The following THTPA variants were observed in gnomAD, a reference collection of about 807,000 sequenced individuals.
THTPA encodes thiamine triphosphatase, also known as thiamine-triphosphatase.
Under a neutral mutation model 16.5 loss-of-function variants are expected in THTPA, and 16 were observed. The ratio of observed to expected loss-of-function variants is 0.97; its 90% CI spans 0.66 to 1.47. THTPA has a LOEUF of 1.47. Ranked by LOEUF, THTPA falls within the 40% of genes most tolerant of loss-of-function variation. The pLI is 0.00. For synonymous variants in THTPA, 110 were observed against 115.5 expected (o/e 0.95, Z 0.30); for missense variants, 281 against 280.9 (o/e 1.00, Z 0.00).
chr14:23,550,968 C>A, the THTPA span, among the ~76,000 whole-genome samples: 7 of 152,128 alleles, frequency 4.6e-5, no homozygotes, highest in South Asian at 1.5e-3. Context: ...GCCTCCCCTT[C>A]CCCCCGGGAT....
chr14:23,533,034 C>G, the THTPA span: 4 of 1,535,506 alleles, frequency 2.6e-6, no homozygotes, highest in Admixed American at 5.9e-5. The surrounding 1 kb of genome is among the most constrained non-coding windows in gnomAD (Gnocchi z 4.8). Context: ...GATGAGGAAC[C>G]CAGGAGCTGA....
the THTPA span, among the ~76,000 whole-genome samples, chr14:23,518,220 A>G: frequency 6.6e-6 from 1 of 152,212 alleles, no homozygotes; most frequent in Non-Finnish European, 1.5e-5. The surrounding 1 kb of genome is among the most constrained non-coding windows in gnomAD (Gnocchi z 4.5). Context: ...TCAGATTTAC[A>G]TATCTTTCCA....
upstream of THTPA, among the ~76,000 whole-genome samples, chr14:23,554,038 C>CAAAAAA: frequency 2.8e-5 from 1 of 36,038 alleles, no homozygotes; most frequent in Non-Finnish European, 6.0e-5. Flanking sequence ...GACTCTGTCT[C>CAAAAAA]AAAAAAAAAA....
At chr14:23,523,720 G>T in the THTPA span, 43 of 1,536,356 alleles carry the variant, frequency 2.8e-5, no homozygotes, top group African/African-American at 5.7e-4. The surrounding 1 kb of genome is among the most constrained non-coding windows in gnomAD (Gnocchi z 4.1). Context: ...TCAGCTGCAG[G>T]CTGCTCATCT....
In THTPA at chr14:23,559,909, C is replaced by T; in HGVS notation, c.*1069C>T. On this transcript the variant is annotated 3_prime_UTR_variant, in exon 2 of 2. Coordinates refer to ENST00000288014, the MANE Select transcript of THTPA (RefSeq NM_024328.6). ...CCCACGGCTTCTTCTATCCCTGGGT[C>T]TTGTCTTGGGGGAACTCCTGAAGCT... 2 of 1,611,096 alleles carry T rather than the reference C, an allele frequency of 1.2e-6. No individual in the cohort carries two copies.
the THTPA span, chr14:23,535,046 T>G: frequency 6.5e-7 from 1 of 1,536,208 alleles, no homozygotes; most frequent in Non-Finnish European, 8.7e-7. The surrounding 1 kb of genome is among the most constrained non-coding windows in gnomAD (Gnocchi z 4.5). Flanking sequence ...TCCTTGTCCT[T>G]TTCCACCCCT....
chr14:23,529,604 G>A, the THTPA span: 2 of 1,154,352 alleles, frequency 1.7e-6, no homozygotes, highest in East Asian at 5.1e-5. Flanking sequence ...TATTCTGAGT[G>A]AAATAAGTCA....
At chr14:23,520,731 C>T in the THTPA span, 3 of 138,272 alleles carry the variant, frequency 2.2e-5, no homozygotes, top group East Asian at 2.2e-4. This position sits in a 1 kb window ranked among gnomAD's most constrained non-coding sequence, Gnocchi z 8.7. Context: ...CCACCAGACC[C>T]ATAGCAAGGA....
chr14:23,515,510 C>T, the THTPA span, among the ~76,000 whole-genome samples: 8,812 of 152,226 alleles, frequency 0.058, 290 homozygotes, highest in Middle Eastern at 0.071. Context: ...GCAATGATCC[C>T]TGGTAGAGGG....
At chr14:23,527,039 C>T in the THTPA span, 2 of 1,444,892 alleles carry the variant, frequency 1.4e-6, no homozygotes, top group Non-Finnish European at 1.8e-6. Flanking sequence ...ACTCCTGACC[C>T]ATCTGCCCTA....
chr14:23,553,750 CGGGCATGGTGGT>C (rs1350077525), upstream of THTPA, among the ~76,000 whole-genome samples: 5 of 148,752 alleles, frequency 3.4e-5, no homozygotes, highest in African/African-American at 1.2e-4. Flanking sequence ...AAAAATTAGC[CGGGCATGGTGGT>C]GGGCACCTGT....
chr14:23,524,135 G>T, the THTPA span: 1 of 1,536,028 alleles, frequency 6.5e-7, no homozygotes, highest in Non-Finnish European at 8.7e-7. This position sits in a 1 kb window ranked among gnomAD's most constrained non-coding sequence, Gnocchi z 5.6. Flanking sequence ...GGATGCAGGG[G>T]TGGCTGTGGC....
At chr14:23,515,380 A>G in the THTPA span, among the ~76,000 whole-genome samples, 1 of 152,206 alleles carries the variant, frequency 6.6e-6, no homozygotes, top group African/African-American at 2.4e-5. Flanking sequence ...AGAGAGGTAG[A>G]CAGGTGTTAG....
the THTPA span, chr14:23,533,438 CA>C: frequency 6.5e-7 from 1 of 1,530,586 alleles, no homozygotes; most frequent in Non-Finnish European, 8.7e-7. The surrounding 1 kb of genome is among the most constrained non-coding windows in gnomAD (Gnocchi z 4.8). Flanking sequence ...TGGAAGAGTT[CA>C]GGGGGGCTAG....
At chr14:23,525,444 C>T in the THTPA span, 1 of 1,536,122 alleles carries the variant, frequency 6.5e-7, no homozygotes, top group Non-Finnish European at 8.7e-7. This position sits in a 1 kb window ranked among gnomAD's most constrained non-coding sequence, Gnocchi z 5.9. Flanking sequence ...TGGACATGTT[C>T]CTCGTGTGTC....
chr14:23,514,202 G>A, the THTPA span: 1 of 152,318 alleles, frequency 6.6e-6, no homozygotes, highest in Admixed American at 6.5e-5. Flanking sequence ...TTCGGGAGGT[G>A]GGGTGTTTGG....
the THTPA span, chr14:23,524,467 C>A: frequency 2.3e-5 from 35 of 1,534,086 alleles, no homozygotes; most frequent in Non-Finnish European, 3.0e-5. The surrounding 1 kb of genome is among the most constrained non-coding windows in gnomAD (Gnocchi z 5.6). Flanking sequence ...GTGGACCTGG[C>A]ATTGGTGAGG....
the THTPA span, chr14:23,531,515 G>A: frequency 3.7e-4 from 549 of 1,471,858 alleles, 5 homozygotes; most frequent in South Asian, 5.4e-3. Flanking sequence ...TGAAGCTCAG[G>A]ATGCTCTGAA....
chr14:23,558,895 T>G lies in THTPA; in HGVS notation c.*55T>G. The G allele has an allele frequency of 6.2e-7, 1 of 1,602,490 alleles. No homozygotes were observed. The highest frequency in any genetic ancestry group is 8.5e-7 in the Non-Finnish European group (1 of 1,173,594). On this transcript the variant is annotated 3_prime_UTR_variant, in exon 2 of 2. Coordinates refer to ENST00000288014, the MANE Select transcript of THTPA (RefSeq NM_024328.6). Reference sequence around the variant, plus strand: ...CTCTGGGTCTAACGGAGTCCACTCCTGGGCCCACTGTGCCTCTCCCCTCAG... The same window carrying G: ...CTCTGGGTCTAACGGAGTCCACTCCGGGGCCCACTGTGCCTCTCCCCTCAG...
Sources: allele counts gnomAD v4.1 joint callset (sites outside exome capture counted in the v4.1 genomes callset), GRCh38; gene constraint gnomAD v4.1.1; non-coding constraint Gnocchi (gnomAD v3.1); transcripts MANE v1.5; gene names NCBI Gene and HGNC (gene_info 2026-07-23, HGNC 2026-07-21).